Variants in TNFRSF11A observed in about 807,000 individuals in gnomAD.
TNFRSF11A encodes TNF receptor superfamily member 11a, also known as tumor necrosis factor receptor superfamily member 11A.
Under a neutral mutation model 55.7 loss-of-function variants are expected in TNFRSF11A, and 32 were observed. That is an observed-to-expected ratio of 0.57 (90% CI 0.43 to 0.77). The LOEUF is 0.77. Among genes scored for constraint, TNFRSF11A ranks in the 30% least tolerant of loss-of-function variants. The probability of loss-of-function intolerance (pLI) is 0.00; values close to 1 mark genes in which losing one functional copy is unlikely to be tolerated. For synonymous variants in TNFRSF11A, 311 were observed against 331.0 expected, an observed-to-expected ratio of 0.94 and a Z score of 0.65; for missense variants, 753 against 809.8, an observed-to-expected ratio of 0.93 and a Z score of 0.85.
In TNFRSF11A at chr18:62,325,894, C is replaced by G. The variant is rs1777111304; in HGVS notation, c.75+467C>G. The stretch of plus-strand genomic sequence containing the variant: ...AGACATGATTCCCTCCGTCCCTGAA[C>G]TGCGGGCTTGCCTTTGCCTCCCCTG... On this transcript the variant is annotated intron_variant, in intron 1 of 9. Coordinates refer to ENST00000586569, the MANE Select transcript of TNFRSF11A (RefSeq NM_003839.4). The surrounding 1 kb of genome is among the most constrained non-coding windows in gnomAD (Gnocchi z 4.7). 6.6e-6 allele frequency among the ~76,000 whole-genome samples: 1 copy of G among 152,226 alleles called. No individual in the cohort carries two copies. The highest frequency in any genetic ancestry group is 2.4e-5 in the African/African-American group (1 of 41,478).
chr18:62,354,213 A>G (rs1251210641), intron 3 of TNFRSF11A, among the ~76,000 whole-genome samples, 178 bp from the exon 4 acceptor site: 1 of 152,234 alleles, frequency 6.6e-6, no homozygotes, highest in Non-Finnish European at 1.5e-5. Flanking sequence ...TTTTCGTGCC[A>G]GTGCAGGAAG....
At chr18:62,346,228 C>T (rs1343666069) in intron 1 of TNFRSF11A, among the ~76,000 whole-genome samples, 2 of 152,192 alleles carry the variant, frequency 1.3e-5, no homozygotes, top group African/African-American at 4.8e-5. Context: ...CATATTTATC[C>T]TGTTTGCCTT....
At chr18:62,355,703 A>C (rs1018684176) in intron 4 of TNFRSF11A, among the ~76,000 whole-genome samples, 4 of 149,618 alleles carry the variant, frequency 2.7e-5, no homozygotes, top group Non-Finnish European at 6.0e-5. Flanking sequence ...ATTTTGCTAT[A>C]TTATAATCAT....
rs373933373 is a variant in TNFRSF11A, at chr18:62,365,374, C to T, written c.731-1334C>T. 2.1e-4 allele frequency among the ~76,000 whole-genome samples: 32 copies of T among 152,258 alleles called. No homozygotes were observed. The South Asian group carries it at 6.0e-3, about 29-fold the overall frequency. ...ATTTCTTAAAATTCATAAAATTTAA[C>T]CTTTTAGGTTTCATCACTTCTGTAA... On this transcript the variant is annotated intron_variant, in intron 7 of 9. Coordinates refer to ENST00000586569, the MANE Select transcript of TNFRSF11A (RefSeq NM_003839.4).
At chr18:62,352,475 T>G (rs1372814268) in intron 3 of TNFRSF11A, among the ~76,000 whole-genome samples, 1 of 152,248 alleles carries the variant, frequency 6.6e-6, no homozygotes, top group Non-Finnish European at 1.5e-5. Flanking sequence ...TGATCAAGCC[T>G]TTTTTATTTC....
At chr18:62,374,482 G>A (rs930284240) in intron 9 of TNFRSF11A, among the ~76,000 whole-genome samples, 1 of 152,212 alleles carries the variant, frequency 6.6e-6, no homozygotes, top group African/African-American at 2.4e-5. Flanking sequence ...TGTAGCCTGG[G>A]TAGTTTGAGT....
intron 9 of TNFRSF11A, among the ~76,000 whole-genome samples, chr18:62,376,109 G>T (rs1031151939): frequency 6.6e-6 from 1 of 152,112 alleles, no homozygotes; most frequent in South Asian, 2.1e-4. Flanking sequence ...GCCAGGCCTG[G>T]CCTGGCCCAG....
At chr18:62,335,644 G>A (rs1405654778) in intron 1 of TNFRSF11A, among the ~76,000 whole-genome samples, 5 of 152,188 alleles carry the variant, frequency 3.3e-5, no homozygotes, top group African/African-American at 4.8e-5. Context: ...AGGCAGCCCC[G>A]TGTTCAGTCC....
At chr18:62,343,544 C>A (rs908513702) in intron 1 of TNFRSF11A, among the ~76,000 whole-genome samples, 1 of 151,968 alleles carries the variant, frequency 6.6e-6, no homozygotes, top group South Asian at 2.1e-4. Context: ...CATGGCTTTG[C>A]GTAGGGAAAT....
At position 62,368,983 on chromosome 18, in the gene TNFRSF11A, C is replaced by T; in HGVS notation, c.1066C>T (p.Pro356Ser). The change falls in exon 9 of 10, where the codon CCC becomes TCC. Residue 356 changes from proline to serine, a missense_variant. Coordinates refer to ENST00000586569, the MANE Select transcript of TNFRSF11A (RefSeq NM_003839.4). ...EDEYMDRPSQ[P>S]TDQLLFLTEP... ...TGAATACATGGACAGGCCCTCCCAG[C>T]CCACAGACCAGTTACTGTTCCTCAC... 3.1e-6 allele frequency: 5 copies of T among 1,614,244 alleles called. No homozygotes were observed. The highest frequency in any genetic ancestry group is 3.4e-6 in the Non-Finnish European group (4 of 1,180,046).
chr18:62,351,299 G>A (rs1039239766), intron 3 of TNFRSF11A, among the ~76,000 whole-genome samples: 9 of 152,206 alleles, frequency 5.9e-5, no homozygotes, highest in African/African-American at 1.4e-4. Context: ...CACAATGCCC[G>A]GCCTGACCCC....
chr18:62,331,804 C>T (rs1004744684), intron 1 of TNFRSF11A, among the ~76,000 whole-genome samples: 6 of 152,176 alleles, frequency 3.9e-5, no homozygotes, highest in African/African-American at 4.8e-5. Flanking sequence ...GGCACATTGC[C>T]GCTGCCTAAG....
rs1305005818 is a variant in TNFRSF11A, at chr18:62,386,590, G to C, written c.*1556G>C. ...ACTGGGGAAAAGCAAAAATACACAAGCAAGTTAAAATTAATTTTGCACATC... is the reference window on the plus strand; with the variant it reads ...ACTGGGGAAAAGCAAAAATACACAACCAAGTTAAAATTAATTTTGCACATC... On this transcript the variant is annotated 3_prime_UTR_variant, in exon 10 of 10. Transcript: ENST00000586569. The C allele has an allele frequency of 6.6e-6, 1 of 152,160 alleles. No individual in the cohort carries two copies. The highest frequency in any genetic ancestry group is 1.5e-5 in the Non-Finnish European group (1 of 68,028). The allele number at this position is 152,160 out of a possible 1,614,324, so 9.4% of individuals were successfully genotyped here.
chr18:62,348,079 A>T, intron 1 of TNFRSF11A, 89 bp from the exon 2 acceptor site: 47 of 901,946 alleles, frequency 5.2e-5, no homozygotes, highest in Non-Finnish European at 7.9e-5. Flanking sequence ...AAAAAAAAAA[A>T]GTAATTTGGT....
At chr18:62,360,540 G>A (rs1311454460) in intron 6 of TNFRSF11A, among the ~76,000 whole-genome samples, 5 of 151,838 alleles carry the variant, frequency 3.3e-5, no homozygotes, top group Middle Eastern at 3.4e-3. Flanking sequence ...TCCAACTCCC[G>A]GGTTCAAGCG....
chr18:62,365,127 A>G (rs1280818205), intron 7 of TNFRSF11A, among the ~76,000 whole-genome samples: 1 of 151,780 alleles, frequency 6.6e-6, no homozygotes, highest in Non-Finnish European at 1.5e-5. Context: ...TGCCCGGCTA[A>G]TTTTTGTATT....
intron 1 of TNFRSF11A, among the ~76,000 whole-genome samples, chr18:62,344,683 T>G (rs571223976): frequency 6.6e-6 from 1 of 152,342 alleles, no homozygotes; most frequent in South Asian, 2.1e-4. Flanking sequence ...AGAGGGCTAC[T>G]GCCAAGGGGA....
chr18:62,347,483 A>G (rs1381763813), intron 1 of TNFRSF11A, among the ~76,000 whole-genome samples: 3 of 152,252 alleles, frequency 2.0e-5, no homozygotes, highest in Non-Finnish European at 4.4e-5. Flanking sequence ...TTGAACCAGA[A>G]GGGAACCAGA....
At chr18:62,337,530 C>T (rs1351902466) in intron 1 of TNFRSF11A, among the ~76,000 whole-genome samples, 1 of 152,144 alleles carries the variant, frequency 6.6e-6, no homozygotes, top group African/African-American at 2.4e-5. Context: ...GCTGTTTCTC[C>T]GTCAAGCCGT....
Sources: gnomAD v4.1 joint callset for allele counts (sites outside exome capture counted in the v4.1 genomes callset) on GRCh38, gnomAD v4.1.1 for gene constraint, Gnocchi (gnomAD v3.1) non-coding constraint, MANE v1.5 for transcripts, NCBI Gene and HGNC (gene_info 2026-07-23, HGNC 2026-07-21) for gene names.